SLA2: variants seen among roughly 807,000 people sequenced by gnomAD.
The protein encoded by SLA2 is src-like-adapter 2.
Under a neutral mutation model 27.3 loss-of-function variants are expected in SLA2, and 22 were observed. The ratio of observed to expected loss-of-function variants is 0.81; its 90% CI spans 0.58 to 1.15. SLA2 has a LOEUF of 1.15. Ranked by LOEUF, SLA2 falls within the 50% of genes most tolerant of loss-of-function variation. The pLI is 0.00. For missense variants in SLA2, 304 were observed against 322.2 expected, an observed-to-expected ratio of 0.94 and a Z score of 0.43; for synonymous variants, 131 against 137.8, an observed-to-expected ratio of 0.95 and a Z score of 0.34.
At chr20:36,620,293 A>G (rs1371229603) in intron 5 of SLA2, 1 of 152,880 alleles carries the variant, frequency 6.5e-6, no homozygotes, top group East Asian at 1.9e-4. Context: ...GGAGCTAAGA[A>G]TCACTTGAAC....
At chr20:36,614,855 CTG>C in intron 6 of SLA2, 1 of 985,424 alleles carries the variant, frequency 1.0e-6, no homozygotes, top group Middle Eastern at 5.2e-4. Context: ...CTTCCAGTGT[CTG>C]TTGAAGGACA....
rs755596637 is a variant in SLA2, at chr20:36,613,901, G to A, written c.751C>T (p.Leu251=). The A allele has an allele frequency of 1.2e-6, 2 of 1,614,056 alleles. No homozygotes were observed. The highest frequency in any genetic ancestry group is 2.2e-5 in the South Asian group (2 of 91,092). Residue 251 remains leucine (L), a synonymous_variant, in exon 8 of 8, where the codon CTG becomes TTG. Transcript: ENST00000262866. ...LRESLSFYIS[L]NDEAVSLDDA ...TCCAAAGAGACAGCCTCGTCATTCA[G>A]GCTGATGTAGAAGCTGAGGGACTCC...
chr20:36,627,899 C>T (rs979788394), intron 5 of SLA2, among the ~76,000 whole-genome samples: 1 of 152,184 alleles, frequency 6.6e-6, no homozygotes, highest in African/African-American at 2.4e-5. Flanking sequence ...GCTTGAAGCT[C>T]GTGTGGAATC....
intron 5 of SLA2, among the ~76,000 whole-genome samples, chr20:36,627,884 T>C (rs80155468): frequency 0.13 from 20,431 of 152,214 alleles, 1,605 homozygotes; most frequent in African/African-American, 0.21. Flanking sequence ...TTGGTCCACA[T>C]GCAGGCTTGA....
At position 36,615,292 on chromosome 20, in the gene SLA2, A is replaced by G. The variant is rs1215322909; in HGVS notation, c.465T>C (p.Asn155=). The G allele has an allele frequency of 2.5e-6, 4 of 1,614,116 alleles. No individual in the cohort carries two copies. The highest frequency in any genetic ancestry group is 1.7e-5 in the Admixed American group (1 of 59,984). Residue 155 remains asparagine, a synonymous_variant, in exon 6 of 8, where the codon AAT becomes AAC. Transcript: ENST00000262866. The part of the protein sequence containing the change: ...IRHYRIHCLD[N]GWLYISPRLT... Reference sequence around the variant, plus strand: ...GGCGCGGTGAGATGTACAGCCAGCCATTGTCAAGGCAGTGGATCCTGTAGT... The same window carrying G: ...GGCGCGGTGAGATGTACAGCCAGCCGTTGTCAAGGCAGTGGATCCTGTAGT...
chr20:36,616,320 T>A (rs7269534), intron 5 of SLA2, among the ~76,000 whole-genome samples: 2,865 of 151,084 alleles, frequency 0.019, 97 homozygotes, highest in African/African-American at 0.066. Context: ...TTTTTTTTTT[T>A]ATTTTAATTT....
At chr20:36,631,881 T>C (rs2039396135) in intron 5 of SLA2, among the ~76,000 whole-genome samples, 1 of 152,190 alleles carries the variant, frequency 6.6e-6, no homozygotes, top group African/African-American at 2.4e-5. Context: ...TGCTGCATGA[T>C]GAAACACTCC....
intron 2 of SLA2, 53 bp from the exon 3 acceptor site, chr20:36,634,642 T>C (rs1600829442): frequency 8.1e-7 from 1 of 1,229,570 alleles, no homozygotes; most frequent in Non-Finnish European, 1.2e-6. Context: ...GCTCCACGCA[T>C]GAGGTCTAGT....
intron 5 of SLA2, among the ~76,000 whole-genome samples, chr20:36,618,679 T>C (rs1482066500): frequency 2.0e-5 from 3 of 150,440 alleles, no homozygotes; most frequent in Non-Finnish European, 4.4e-5. Flanking sequence ...GCAGAGGCTG[T>C]TGGATCACCT....
At position 36,636,410 on chromosome 20, in the gene SLA2, A is replaced by G. The variant is rs2039446946; in HGVS notation, c.92-1821T>C. Among the ~76,000 whole-genome samples, 4 of 141,574 alleles carry G rather than the reference A, an allele frequency of 2.8e-5. No homozygotes were observed. The Admixed American group carries it at 2.9e-4, about 10-fold the overall frequency. 92.9% of individuals were successfully genotyped at this position (141,574 alleles called of 152,430 possible). Reference sequence around the variant, plus strand: ...CAGTCCGCAGTCCAGCCTGGGCGACAGAGCAAGACTCCGTCTCAAAAAAAA... The same window carrying G: ...CAGTCCGCAGTCCAGCCTGGGCGACGGAGCAAGACTCCGTCTCAAAAAAAA... On this transcript the variant is annotated intron_variant, in intron 2 of 7. Coordinates refer to ENST00000262866, the MANE Select transcript of SLA2 (RefSeq NM_032214.4).
At chr20:36,626,049 G>A (rs1416346093) in intron 5 of SLA2, among the ~76,000 whole-genome samples, 1 of 151,978 alleles carries the variant, frequency 6.6e-6, no homozygotes, top group Non-Finnish European at 1.5e-5. Context: ...TGGATCACTT[G>A]AGGTCAGGAG....
intron 2 of SLA2, among the ~76,000 whole-genome samples, chr20:36,634,988 C>T (rs866748287): frequency 2.6e-5 from 4 of 152,018 alleles, no homozygotes; most frequent in East Asian, 1.9e-4. Context: ...CCACTACACC[C>T]GGCTAATTTA....
At chr20:36,621,995 A>G (rs1408534559) in intron 5 of SLA2, among the ~76,000 whole-genome samples, 1 of 152,036 alleles carries the variant, frequency 6.6e-6, no homozygotes, top group African/African-American at 2.4e-5. Flanking sequence ...CAGCCTAGCC[A>G]ACAGAGGAAG....
At position 36,613,646 on chromosome 20, in the gene SLA2, C is replaced by T. The variant is rs987964774; in HGVS notation, c.*220G>A. The T allele has an allele frequency of 4.0e-6, 2 of 495,414 alleles. No individual in the cohort carries two copies. The highest frequency in any genetic ancestry group is 3.5e-5 in the East Asian group (1 of 28,394). The allele number at this position is 495,414 out of a possible 1,614,324, so 30.7% of individuals were successfully genotyped here. A position where few individuals can be genotyped will look rare whatever the true frequency, so the allele number is the denominator to read the frequency against. ...GCCCTGGTCCCACCTTCTCTGCACT[C>T]GCACTAGAGGTCGCAGGTGGGATCA... On this transcript the variant is annotated 3_prime_UTR_variant, in exon 8 of 8. Transcript: ENST00000262866.
chr20:36,628,626 G>A (rs983551777), intron 5 of SLA2, among the ~76,000 whole-genome samples: 1 of 151,686 alleles, frequency 6.6e-6, no homozygotes, highest in African/African-American at 2.4e-5. Flanking sequence ...GCTCACTGCA[G>A]CATCGACTTC....
Position 36,614,617 on chromosome 20 carries a change from T to C in SLA2, c.533-180A>G. 4.1e-6 allele frequency: 4 copies of C among 985,432 alleles called. No individual in the cohort carries two copies. In the South Asian group the frequency reaches 1.9e-4, roughly 46 times the overall value. 61.0% of individuals were successfully genotyped at this position (985,432 alleles called of 1,614,324 possible). A position where few individuals can be genotyped will look rare whatever the true frequency, so the allele number is the denominator to read the frequency against. ...GATGTAGTCAAAGGTCTTTCTGGGC[T>C]AACTTTTGGGAGACAGTCACTGTAT... On this transcript the variant is annotated intron_variant, in intron 6 of 7. Coordinates refer to ENST00000262866, the MANE Select transcript of SLA2 (RefSeq NM_032214.4).
intron 2 of SLA2, among the ~76,000 whole-genome samples, chr20:36,638,842 G>A (rs1385745839): frequency 2.0e-5 from 3 of 152,050 alleles, no homozygotes; most frequent in Non-Finnish European, 4.4e-5. Context: ...CTGTGATTGA[G>A]ATTGAATTTA....
intron 5 of SLA2, among the ~76,000 whole-genome samples, chr20:36,615,909 C>G (rs973326669): frequency 6.6e-6 from 1 of 152,178 alleles, no homozygotes; most frequent in African/African-American, 2.4e-5. Context: ...CGGCAAACAG[C>G]CCGTTTGTGC....
intron 5 of SLA2, among the ~76,000 whole-genome samples, chr20:36,622,907 A>T (rs2039299107): frequency 2.0e-5 from 3 of 152,236 alleles, no homozygotes. Context: ...CAGGACCTGA[A>T]CATTGTTGGG....
Sources: allele counts gnomAD v4.1 joint callset (sites outside exome capture counted in the v4.1 genomes callset), GRCh38; gene constraint gnomAD v4.1.1; transcripts MANE v1.5; gene names NCBI Gene and HGNC (gene_info 2026-07-23, HGNC 2026-07-21).